PALM2AKAP2: variants seen among roughly 807,000 people sequenced by gnomAD.
PALM2AKAP2 encodes the protein PALM2-AKAP2 fusion protein.
A neutral mutation model predicts 71.5 loss-of-function variants in PALM2AKAP2; 37 were observed. The observed-to-expected ratio is 0.52, with a 90% CI of 0.40 to 0.68. The LOEUF (loss-of-function observed/expected upper bound fraction) is 0.68, where lower values mean the gene tolerates loss of function less well. PALM2AKAP2 is among the 30% of genes least tolerant of loss of function. The pLI is 0.00. For synonymous variants in PALM2AKAP2, 468 were observed against 478.8 expected (o/e 0.98, Z 0.29); for missense variants, 1,224 against 1,191.8 (o/e 1.03, Z -0.40).
At chr9:109,757,688 A>G (rs576388749) in intron 1 of PALM2AKAP2, among the ~76,000 whole-genome samples, 1 of 152,166 alleles carries the variant, frequency 6.6e-6, no homozygotes, top group Non-Finnish European at 1.5e-5. Flanking sequence ...GAAAACCAAC[A>G]CGAGGTCTTC....
chr9:109,940,835 C>A (rs924193752), intron 6 of PALM2AKAP2, among the ~76,000 whole-genome samples: 1 of 152,136 alleles, frequency 6.6e-6, no homozygotes, highest in Non-Finnish European at 1.5e-5. Context: ...CTGAAGGGAA[C>A]TATATGCCAT....
At chr9:110,171,460 C>T (rs1836856933) in exon 4 of PALM2AKAP2, 1 of 152,236 alleles carries the variant, frequency 6.6e-6, no homozygotes, top group South Asian at 2.1e-4. Context: ...TTGCTCCACT[C>T]ACTGAAGATC....
intron 1 of PALM2AKAP2, among the ~76,000 whole-genome samples, chr9:109,835,842 G>A (rs1378523663): frequency 3.9e-5 from 6 of 152,212 alleles, no homozygotes; most frequent in African/African-American, 1.4e-4. Flanking sequence ...AGGGGTGCCT[G>A]CCATTGCTGA....
chr9:109,831,017 T>G (rs971308760), intron 1 of PALM2AKAP2, among the ~76,000 whole-genome samples: 5 of 151,826 alleles, frequency 3.3e-5, no homozygotes, highest in African/African-American at 1.2e-4. Context: ...AGTTTTTGAG[T>G]CCCCAGATCT....
intron 1 of PALM2AKAP2, chr9:109,867,083 A>C (rs921047778): frequency 8.8e-6 from 4 of 456,366 alleles, no homozygotes; most frequent in Admixed American, 4.7e-5. Context: ...TGGTATTTGC[A>C]GTTTGTAAGA....
intron 1 of PALM2AKAP2, chr9:109,867,032 T>G: frequency 2.2e-6 from 1 of 456,742 alleles, no homozygotes; most frequent in Non-Finnish European, 4.4e-6. Context: ...GTGATTTTGA[T>G]CAAATAAATC....
At chr9:109,795,140 A>G (rs760567976) in intron 1 of PALM2AKAP2, among the ~76,000 whole-genome samples, 7 of 152,184 alleles carry the variant, frequency 4.6e-5, no homozygotes, top group Non-Finnish European at 1.0e-4. Flanking sequence ...ATAGGATGTT[A>G]GTGGCATCCT....
chr9:109,756,742 C>T (rs1258061635), intron 1 of PALM2AKAP2, among the ~76,000 whole-genome samples: 1 of 152,132 alleles, frequency 6.6e-6, no homozygotes, highest in Non-Finnish European at 1.5e-5. Context: ...TATTTCACCA[C>T]CAGTTGGAAT....
At chr9:109,951,790 C>T (rs1300950537) in intron 6 of PALM2AKAP2, among the ~76,000 whole-genome samples, 1 of 152,210 alleles carries the variant, frequency 6.6e-6, no homozygotes, top group Non-Finnish European at 1.5e-5. Flanking sequence ...TGGGAATCCT[C>T]ATGGCCCACC....
chr9:109,724,680 T>G (rs1238159151), intron 1 of PALM2AKAP2, among the ~76,000 whole-genome samples: 1 of 152,180 alleles, frequency 6.6e-6, no homozygotes, highest in Non-Finnish European at 1.5e-5. Context: ...CATAAAACCC[T>G]CTGAAGGGTG....
intron 1 of PALM2AKAP2, among the ~76,000 whole-genome samples, chr9:109,691,398 C>T (rs188944852): frequency 1.5e-3 from 221 of 152,014 alleles, no homozygotes; most frequent in Admixed American, 6.2e-3. Flanking sequence ...ATAGAGGGGA[C>T]CTTACTTAGA....
chr9:109,922,158 G>A (rs923464466), intron 3 of PALM2AKAP2, among the ~76,000 whole-genome samples: 15 of 151,998 alleles, frequency 9.9e-5, no homozygotes, highest in East Asian at 1.9e-4. Flanking sequence ...GGTGGCTCAC[G>A]CCTGTAGTCT....
intron 7 of PALM2AKAP2, among the ~76,000 whole-genome samples, chr9:110,040,064 A>AGGAGAG (rs1373202212): frequency 6.6e-6 from 1 of 152,040 alleles, no homozygotes; most frequent in Admixed American, 6.6e-5. Context: ...AGGAGAAGAG[A>AGGAGAG]GGAGAGGGAG....
intron 1 of PALM2AKAP2, among the ~76,000 whole-genome samples, chr9:109,705,288 C>A (rs781208627): frequency 2.7e-4 from 41 of 152,202 alleles, no homozygotes; most frequent in Non-Finnish European, 4.3e-4. Context: ...ACCTCCACCC[C>A]TGTGTTACTG....
intron 1 of PALM2AKAP2, among the ~76,000 whole-genome samples, chr9:109,650,656 C>T (rs188383610): frequency 2.6e-5 from 4 of 152,252 alleles, no homozygotes; most frequent in Admixed American, 2.6e-4. Flanking sequence ...AAATTCCTGG[C>T]CTTAAGCAAT....
chr9:109,781,902 G>C (rs763293670), intron 1 of PALM2AKAP2, among the ~76,000 whole-genome samples: 4 of 152,230 alleles, frequency 2.6e-5, no homozygotes, highest in Non-Finnish European at 4.4e-5. Flanking sequence ...CATGGCCAGT[G>C]TGTCATGAAC....
At chr9:109,669,301 A>G (rs527775209) in intron 1 of PALM2AKAP2, among the ~76,000 whole-genome samples, 1 of 151,014 alleles carries the variant, frequency 6.6e-6, no homozygotes, top group Non-Finnish European at 1.5e-5. Context: ...TACATTTGTC[A>G]TATACTTTTT....
intron 1 of PALM2AKAP2, among the ~76,000 whole-genome samples, chr9:110,057,554 A>G (rs931580735): frequency 1.3e-5 from 2 of 150,942 alleles, no homozygotes; most frequent in Non-Finnish European, 3.0e-5. Flanking sequence ...AATTTCTTGT[A>G]TTTTTAGTAG....
intron 1 of PALM2AKAP2, chr9:110,127,538 C>G (rs1415250060): frequency 1.3e-5 from 2 of 152,208 alleles, no homozygotes; most frequent in African/African-American, 2.4e-5. Context: ...GGTTATCACC[C>G]GGGGCCTCTC....
Sources: gnomAD v4.1 joint callset for allele counts (sites outside exome capture counted in the v4.1 genomes callset) on GRCh38, gnomAD v4.1.1 for gene constraint, MANE v1.5 for transcripts, NCBI Gene and HGNC (gene_info 2026-07-23, HGNC 2026-07-21) for gene names.